ASIC2: variants seen among roughly 807,000 people sequenced by gnomAD.
ASIC2 encodes the protein acid-sensing ion channel 2.
ASIC2 carries 25 observed loss-of-function variants against 57.3 expected under a neutral mutation model. The ratio of observed to expected loss-of-function variants is 0.44; its 90% confidence interval spans 0.32 to 0.61. The LOEUF (loss-of-function observed/expected upper bound fraction) is 0.61, where lower values mean the gene tolerates loss of function less well. Ranked by LOEUF, ASIC2 falls within the 20% of genes least tolerant of loss-of-function variation. The pLI, the probability that ASIC2 is intolerant of heterozygous loss-of-function variation, is 0.06. For missense variants in ASIC2, 641 were observed against 738.1 expected, an observed-to-expected ratio of 0.87 and a Z score of 1.52; for synonymous variants, 319 against 307.5, an observed-to-expected ratio of 1.04 and a Z score of -0.39.
At chr17:33,212,941 T>C (rs1907335280) in intron 1 of ASIC2, among the ~76,000 whole-genome samples, 1 of 152,238 alleles carries the variant, frequency 6.6e-6, no homozygotes, top group Admixed American at 6.5e-5. Context: ...TGATCTTGGA[T>C]AAAACACTTT....
At chr17:33,393,976 T>C (rs374041850) in intron 1 of ASIC2, among the ~76,000 whole-genome samples, 1 of 152,250 alleles carries the variant, frequency 6.6e-6, no homozygotes, top group African/African-American at 2.4e-5. Context: ...TGTCTCTCTT[T>C]CCTTGTTTCC....
chr17:33,915,764 G>T (rs562766740), intron 1 of ASIC2, among the ~76,000 whole-genome samples: 2 of 152,332 alleles, frequency 1.3e-5, no homozygotes, highest in South Asian at 4.1e-4. Flanking sequence ...TGACTTGAGG[G>T]TAAAGGATGC....
Position 33,541,640 on chromosome 17 carries a change from C to T in ASIC2, c.556-429573G>A, listed in dbSNP as rs73983973. Among the ~76,000 whole-genome samples the T allele has an allele frequency of 7.1e-3, 1,083 of 152,292 alleles. 18 individuals carry two copies. Among genetic ancestry groups the T allele is most frequent in the African/African-American group, 0.025 (1,032 of 41,552 alleles). Reference sequence around the variant, plus strand: ...GAGGACTGTATCATTAGGGCTTCCACTTTCTCAGGACTTTGGAGATTTCTG... The same window carrying T: ...GAGGACTGTATCATTAGGGCTTCCATTTTCTCAGGACTTTGGAGATTTCTG... On this transcript the variant is annotated intron_variant, in intron 1 of 9. Coordinates refer to the ASIC2 transcript ENST00000359872.
At chr17:33,339,793 A>G (rs1477656765) in intron 1 of ASIC2, among the ~76,000 whole-genome samples, 2 of 152,198 alleles carry the variant, frequency 1.3e-5, no homozygotes, top group Non-Finnish European at 2.9e-5. Flanking sequence ...TACCACTTTG[A>G]CATCTTTTTA....
At chr17:33,634,477 T>G (rs1906279456) in intron 1 of ASIC2, among the ~76,000 whole-genome samples, 2 of 152,114 alleles carry the variant, frequency 1.3e-5, no homozygotes, top group Admixed American at 1.3e-4. Flanking sequence ...CTATGAGGCT[T>G]GATACTGGAT....
At chr17:33,020,246 TA>T (rs1490018241) in intron 7 of ASIC2, among the ~76,000 whole-genome samples, 2 of 152,164 alleles carry the variant, frequency 1.3e-5, no homozygotes, top group African/African-American at 4.8e-5. Context: ...TTTTCTGGGC[TA>T]GGGGGTTATC....
At chr17:33,471,360 A>T (rs150670881) in intron 1 of ASIC2, among the ~76,000 whole-genome samples, 93 of 152,246 alleles carry the variant, frequency 6.1e-4, no homozygotes, top group African/African-American at 2.0e-3. Context: ...CTCTTTAGAA[A>T]CTCAGCAACA....
intron 1 of ASIC2, among the ~76,000 whole-genome samples, chr17:34,032,725 A>G (rs1350613983): frequency 6.6e-6 from 1 of 152,220 alleles, no homozygotes; most frequent in Non-Finnish European, 1.5e-5. Context: ...AGTCACTGAT[A>G]AAACAGACTT....
chr17:33,421,121 G>T (rs1459772356), intron 1 of ASIC2, among the ~76,000 whole-genome samples: 1 of 152,120 alleles, frequency 6.6e-6, no homozygotes, highest in Non-Finnish European at 1.5e-5. Flanking sequence ...GAGCAGGGTG[G>T]GGTCCTAGAA....
At chr17:33,973,328 C>CTGTG (rs1460561521) in intron 1 of ASIC2, among the ~76,000 whole-genome samples, 5 of 152,178 alleles carry the variant, frequency 3.3e-5, no homozygotes, top group Non-Finnish European at 7.3e-5. Context: ...AACAGAGGGG[C>CTGTG]TGTGGTTCCT....
At chr17:33,662,391 T>C (rs1597825927) in intron 1 of ASIC2, among the ~76,000 whole-genome samples, 1 of 151,840 alleles carries the variant, frequency 6.6e-6, no homozygotes, top group Non-Finnish European at 1.5e-5. Flanking sequence ...GAGACCGAGG[T>C]GGACAGATCA....
intron 1 of ASIC2, among the ~76,000 whole-genome samples, chr17:33,943,252 G>A (rs1407336262): frequency 6.6e-6 from 1 of 152,214 alleles, no homozygotes; most frequent in Non-Finnish European, 1.5e-5. Flanking sequence ...GAGAAGCGCA[G>A]GGAAGAAGGT....
At chr17:33,990,051 G>A (rs947775043) in intron 1 of ASIC2, among the ~76,000 whole-genome samples, 1 of 152,200 alleles carries the variant, frequency 6.6e-6, no homozygotes, top group African/African-American at 2.4e-5. Context: ...TTGACCTAGT[G>A]CCTGAATGCA....
intron 1 of ASIC2, among the ~76,000 whole-genome samples, chr17:33,556,414 C>G (rs181631072): frequency 4.2e-4 from 64 of 152,324 alleles, no homozygotes; most frequent in African/African-American, 1.5e-3. Flanking sequence ...GTGGGAAAAT[C>G]TGAGAGCTGG....
chr17:33,693,694 TC>T (rs1908441866), intron 1 of ASIC2, among the ~76,000 whole-genome samples: 1 of 152,112 alleles, frequency 6.6e-6, no homozygotes, highest in Admixed American at 6.5e-5. Context: ...AGACTGTATG[TC>T]TCCCTATTGC....
At position 33,013,816 on chromosome 17, in the gene ASIC2, A is replaced by T. The variant is rs1186817893; in HGVS notation, c.*149T>A. 2.9e-6 allele frequency: 2 copies of T among 693,398 alleles called. No individual in the cohort carries two copies. Among genetic ancestry groups the T allele is most frequent in the African/African-American group, 3.6e-5 (2 of 55,674 alleles). The allele number at this position is 693,398 out of a possible 1,614,324, so 43.0% of individuals were successfully genotyped here. On this transcript the variant is annotated 3_prime_UTR_variant, in exon 10 of 10. Transcript: ENST00000225823. ...CGTCGTGTTGGACGTGGCCGGAGCG[A>T]GGTCTAGGCAGCTAGTCTGCAATGT... is the stretch of plus-strand genomic sequence containing the variant.
At chr17:33,545,389 A>G (rs1410416904) in intron 1 of ASIC2, among the ~76,000 whole-genome samples, 1 of 152,110 alleles carries the variant, frequency 6.6e-6, no homozygotes, top group Non-Finnish European at 1.5e-5. Context: ...TTTGTAGGAG[A>G]CAGTCTGATC....
At chr17:33,197,234 G>C (rs1906668769) in intron 1 of ASIC2, among the ~76,000 whole-genome samples, 1 of 152,192 alleles carries the variant, frequency 6.6e-6, no homozygotes, top group African/African-American at 2.4e-5. Context: ...TTCATGTTTG[G>C]TTGTTGAGCA....
At chr17:33,530,490 A>G (rs1400019777) in intron 1 of ASIC2, among the ~76,000 whole-genome samples, 2 of 152,234 alleles carry the variant, frequency 1.3e-5, no homozygotes, top group Non-Finnish European at 2.9e-5. Context: ...GTCACCCTGG[A>G]GCTGCCCACA....
Sources: allele counts gnomAD v4.1 joint callset (sites outside exome capture counted in the v4.1 genomes callset), GRCh38; gene constraint gnomAD v4.1.1; transcripts MANE v1.5; gene names NCBI Gene and HGNC (gene_info 2026-07-23, HGNC 2026-07-21).